Variants in UTP18 observed in about 807,000 individuals in gnomAD.
UTP18 encodes UTP18 small subunit processome component, also known as U3 small nucleolar RNA-associated protein 18 homolog.
A neutral mutation model predicts 61.1 loss-of-function variants in UTP18; 36 were observed. That is an observed-to-expected ratio of 0.59 (90% CI 0.45 to 0.78). UTP18 has a LOEUF of 0.78. Among genes scored for constraint, UTP18 ranks in the 30% least tolerant of loss-of-function variants. The pLI is 0.00. For missense variants in UTP18, 753 were observed against 693.9 expected, an observed-to-expected ratio of 1.09 and a Z score of -0.96; for synonymous variants, 282 against 251.1, an observed-to-expected ratio of 1.12 and a Z score of -1.16.
At chr17:51,266,984 C>T (rs1310696198) in intron 3 of UTP18, among the ~76,000 whole-genome samples, 1 of 152,062 alleles carries the variant, frequency 6.6e-6, no homozygotes, top group South Asian at 2.1e-4. Context: ...CAGGCATGTA[C>T]CACCTTAATT....
At chr17:51,285,398 A>G (rs777418855) in intron 10 of UTP18, 30 bp downstream of exon 10, 1 of 1,607,548 alleles carries the variant, frequency 6.2e-7, no homozygotes, top group South Asian at 1.1e-5. Flanking sequence ...TGTAACCTTA[A>G]TCACATTGTG....
At chr17:51,291,408 T>A (rs1463705209) in intron 11 of UTP18, among the ~76,000 whole-genome samples, 1 of 152,016 alleles carries the variant, frequency 6.6e-6, no homozygotes, top group African/African-American at 2.4e-5. Context: ...ATTCCCCTCC[T>A]TTTCCCGATA....
chr17:51,263,538 C>T (rs1425941900), intron 2 of UTP18, 152 bp downstream of exon 2: 1 of 652,302 alleles, frequency 1.5e-6, no homozygotes, highest in African/African-American at 1.8e-5. Context: ...GTTCCTGATC[C>T]CACCACCGAG....
intron 11 of UTP18, among the ~76,000 whole-genome samples, chr17:51,292,230 G>T (rs755343904): frequency 6.6e-6 from 1 of 152,144 alleles, no homozygotes; most frequent in African/African-American, 2.4e-5. Context: ...ATTTCTCGAG[G>T]AACCTGTATA....
At chr17:51,266,307 C>A in intron 3 of UTP18, 27 bp downstream of exon 3, 1 of 1,530,180 alleles carries the variant, frequency 6.5e-7, no homozygotes, top group Non-Finnish European at 8.8e-7. Flanking sequence ...ATATGATTTA[C>A]CAAGAGGTGT....
chr17:51,263,060 TC>T (rs2144388869), intron 1 of UTP18, among the ~76,000 whole-genome samples: 1 of 152,382 alleles, frequency 6.6e-6, no homozygotes, highest in South Asian at 2.1e-4. Flanking sequence ...CCTTGACTGT[TC>T]CATCTTGCCT....
intron 11 of UTP18, among the ~76,000 whole-genome samples, chr17:51,289,962 G>A (rs1005796666): frequency 6.6e-6 from 1 of 152,068 alleles, no homozygotes; most frequent in Non-Finnish European, 1.5e-5. Flanking sequence ...CAGTTCATTG[G>A]TTTTCTGGCT....
intron 3 of UTP18, among the ~76,000 whole-genome samples, chr17:51,268,024 T>A (rs1338664085): frequency 6.7e-6 from 1 of 149,996 alleles, no homozygotes; most frequent in Non-Finnish European, 1.5e-5. Flanking sequence ...GTTTTTTTTT[T>A]TTTGAGATGG....
At chr17:51,284,661 T>G (rs1480650516) in intron 9 of UTP18, among the ~76,000 whole-genome samples, 1 of 152,220 alleles carries the variant, frequency 6.6e-6, no homozygotes, top group Admixed American at 6.5e-5. Flanking sequence ...TTTCTAAAAG[T>G]TCAACTCAAA....
chr17:51,261,744 T>G (rs529169033), intron 1 of UTP18, among the ~76,000 whole-genome samples: 1 of 152,040 alleles, frequency 6.6e-6, no homozygotes, highest in South Asian at 2.1e-4. Context: ...GCCTGTGAAA[T>G]TTTAGATAAA....
At position 51,263,354 on chromosome 17, in the gene UTP18, TTGGG is replaced by T; in HGVS notation, c.427_430del (p.Val143MetfsTer12). 1 of 1,614,202 alleles carries T rather than the reference TTGGG, an allele frequency of 6.2e-7. No individual in the cohort carries two copies. Among genetic ancestry groups the T allele is most frequent in the Non-Finnish European group, 8.5e-7 (1 of 1,180,010 alleles). The stretch of plus-strand genomic sequence containing the variant: ...ATTTTCCACCTCAAAAGAAGCCAGT[TTGGG>T]TGGATGAAGAAGATGAAGATGAGGA... On this transcript the variant is annotated frameshift_variant, in exon 2 of 14. Coordinates refer to ENST00000225298, the MANE Select transcript of UTP18 (RefSeq NM_016001.3). LOFTEE classifies it high-confidence loss of function.
intron 12 of UTP18, among the ~76,000 whole-genome samples, chr17:51,294,930 T>G (rs959943181): frequency 1.2e-3 from 179 of 152,334 alleles, no homozygotes; most frequent in Non-Finnish European, 1.8e-3. Flanking sequence ...TTGTGGTTTT[T>G]ATTTGCATTT....
chr17:51,265,562 C>CT (rs10695281), intron 2 of UTP18, among the ~76,000 whole-genome samples: 16,775 of 85,318 alleles, frequency 0.2, 2,482 homozygotes, highest in Admixed American at 0.24. Flanking sequence ...CGTGCCCGGC[C>CT]TTTTTTTTTT....
At chr17:51,286,525 G>T in intron 10 of UTP18, 1 of 456,208 alleles carries the variant, frequency 2.2e-6, no homozygotes, top group Non-Finnish European at 4.4e-6. Flanking sequence ...CCCTACCACC[G>T]TTTGCAAATT....
rs904574346 is a variant in UTP18, at chr17:51,280,188, T to C, written c.1113+83T>C. The C allele has an allele frequency of 1.3e-5, 19 of 1,433,294 alleles. No homozygotes were observed. In the Admixed American group the frequency reaches 3.7e-4, roughly 28 times the overall value. The allele number at this position is 1,433,294 out of a possible 1,614,324, so 88.8% of individuals were successfully genotyped here. A position where few individuals can be genotyped will look rare whatever the true frequency, so the allele number is the denominator to read the frequency against. On this transcript the variant is annotated intron_variant, in intron 8 of 13. Transcript: ENST00000225298. ...TCTTGCACCTTAACTCAGTGTGTCC[T>C]TAAATCTGCATCTCCAAGTAGAGGA...
chr17:51,272,744 G>A (rs566079505), intron 4 of UTP18, among the ~76,000 whole-genome samples: 90 of 152,204 alleles, frequency 5.9e-4, no homozygotes, highest in African/African-American at 2.1e-3. Context: ...CTTTGTGGCC[G>A]CAATCCAAAA....
At chr17:51,289,431 A>G (rs1488225343) in intron 11 of UTP18, among the ~76,000 whole-genome samples, 1 of 147,498 alleles carries the variant, frequency 6.8e-6, no homozygotes, top group Non-Finnish European at 1.5e-5. Flanking sequence ...CTGGTCTCGA[A>G]CTCCCGACCT....
At chr17:51,265,553 G>A (rs182744370) in intron 2 of UTP18, among the ~76,000 whole-genome samples, 3,189 of 139,074 alleles carry the variant, frequency 0.023, 55 homozygotes, top group Non-Finnish European at 0.032. Flanking sequence ...ATGAGCCACC[G>A]TGCCCGGCCT....
chr17:51,280,546 G>T (rs991217777), intron 9 of UTP18, 67 bp downstream of exon 9: 12 of 1,482,966 alleles, frequency 8.1e-6, no homozygotes, highest in African/African-American at 7.0e-5. Context: ...AGGCGCGGTG[G>T]CTCACGTGTG....
Sources: gnomAD v4.1 joint callset for allele counts (sites outside exome capture counted in the v4.1 genomes callset) on GRCh38, gnomAD v4.1.1 for gene constraint, MANE v1.5 for transcripts, NCBI Gene and HGNC (gene_info 2026-07-23, HGNC 2026-07-21) for gene names.